Variants in TTC7A observed in about 807,000 individuals in gnomAD.
TTC7A encodes the protein tetratricopeptide repeat domain 7A.
A neutral mutation model predicts 103.7 loss-of-function variants in TTC7A; 110 were observed. The observed-to-expected ratio is 1.06, with a 90% confidence interval of 0.91 to 1.24. TTC7A has a LOEUF of 1.24. TTC7A is among the 50% of genes most tolerant of loss of function. The pLI, the probability that TTC7A is intolerant of heterozygous loss-of-function variation, is 0.00. For missense variants in TTC7A, 1,340 were observed against 1,116.3 expected, an observed-to-expected ratio of 1.20 and a Z score of -2.86; for synonymous variants, 521 against 467.9, an observed-to-expected ratio of 1.11 and a Z score of -1.47.
At chr2:47,024,422 C>G in intron 14 of TTC7A, 63 bp downstream of exon 14, 1 of 1,441,198 alleles carries the variant, frequency 6.9e-7, no homozygotes, top group Non-Finnish European at 9.4e-7. Flanking sequence ...CCTGGAAACC[C>G]AGCTTACCAG....
intron 18 of TTC7A, among the ~76,000 whole-genome samples, chr2:47,057,255 T>C (rs1184096577): frequency 6.6e-6 from 1 of 152,240 alleles, no homozygotes; most frequent in Non-Finnish European, 1.5e-5. Flanking sequence ...TCTGCCAGGC[T>C]GCCAGAAGCC....
upstream of TTC7A, among the ~76,000 whole-genome samples, chr2:46,939,383 G>C (rs954093122): frequency 1.3e-5 from 2 of 152,152 alleles, no homozygotes; most frequent in African/African-American, 4.8e-5. Flanking sequence ...CAGAGGGCTG[G>C]GGTTTTGTCC....
chr2:47,051,259 ATTTC>A (rs1257456530), intron 17 of TTC7A, among the ~76,000 whole-genome samples: 4 of 152,142 alleles, frequency 2.6e-5, no homozygotes, highest in Non-Finnish European at 5.9e-5. Flanking sequence ...CCATGCCCAT[ATTTC>A]TTTTTTATAA....
At chr2:47,036,972 T>TG (rs1348997922) in intron 15 of TTC7A, among the ~76,000 whole-genome samples, 2 of 152,194 alleles carry the variant, frequency 1.3e-5, no homozygotes, top group Admixed American at 1.3e-4. Flanking sequence ...CACACTTGAA[T>TG]GGGGGTGAGG....
chr2:47,036,602 G>A (rs1404293435), intron 15 of TTC7A, among the ~76,000 whole-genome samples: 1 of 152,144 alleles, frequency 6.6e-6, no homozygotes, highest in African/African-American at 2.4e-5. Flanking sequence ...TCTAGGCTGG[G>A]CACAGTGGCT....
chr2:47,039,051 G>T (rs973829938), intron 15 of TTC7A, among the ~76,000 whole-genome samples: 2 of 152,144 alleles, frequency 1.3e-5, no homozygotes, highest in Non-Finnish European at 2.9e-5. Flanking sequence ...CCAGGCACAG[G>T]CTCTCTTCCC....
chr2:47,021,782 G>T (rs532873753), intron 11 of TTC7A, 80 bp from the exon 12 acceptor site: 5 of 1,104,086 alleles, frequency 4.5e-6, no homozygotes, highest in Non-Finnish European at 6.9e-6. Context: ...CTTCTGTTTC[G>T]GGAACAGGTC....
At chr2:47,036,769 G>C (rs1388355421) in intron 15 of TTC7A, among the ~76,000 whole-genome samples, 1 of 152,194 alleles carries the variant, frequency 6.6e-6, no homozygotes, top group Non-Finnish European at 1.5e-5. Context: ...GGGGTGAGAG[G>C]ATTGGTTGAG....
In TTC7A at chr2:47,073,756, G is replaced by T. The variant is rs1469698010; in HGVS notation, c.2410G>T (p.Asp804Tyr). 6.2e-7 allele frequency: 1 copy of T among 1,613,846 alleles called. No homozygotes were observed. Among genetic ancestry groups the T allele is most frequent in the Non-Finnish European group, 8.5e-7 (1 of 1,180,024 alleles). The change falls in exon 20 of 20, where the codon GAT (aspartate) becomes TAT (tyrosine). Residue 804 changes from aspartate (D) to tyrosine (Y), a missense_variant. Coordinates refer to ENST00000319190, the MANE Select transcript of TTC7A (RefSeq NM_020458.4). ...HKSLAQKVLR[D>Y]AVERQSTCHE... Reference sequence around the variant, plus strand: ...GAGCTTGGCCCAGAAGGTGCTTCGTGATGCCGTGGAGAGGCAGAGTACGTG... The same window carrying T: ...GAGCTTGGCCCAGAAGGTGCTTCGTTATGCCGTGGAGAGGCAGAGTACGTG...
At chr2:46,940,562 GAAAT>G (rs1239695112), upstream of TTC7A, among the ~76,000 whole-genome samples, 2 of 152,256 alleles carry the variant, frequency 1.3e-5, no homozygotes, top group Admixed American at 6.5e-5. The surrounding 1 kb of genome is among the most constrained non-coding windows in gnomAD (Gnocchi z 4.7). Context: ...CCAGCATGAA[GAAAT>G]AAATAAATAC....
intron 19 of TTC7A, among the ~76,000 whole-genome samples, chr2:47,072,694 C>T (rs76848229): frequency 0.13 from 19,690 of 152,172 alleles, 2,196 homozygotes; most frequent in East Asian, 0.56. Context: ...CTTTACCTCC[C>T]GTCTTGGAAC....
At chr2:46,922,655 G>C (rs115733769) in intron 2 of TTC7A, among the ~76,000 whole-genome samples, 1,790 of 152,078 alleles carry the variant, frequency 0.012, 40 homozygotes, top group African/African-American at 0.041. Context: ...AGGTGTGAGA[G>C]GTAGAAACCA....
At chr2:47,059,254 C>G (rs1683577955) in intron 18 of TTC7A, among the ~76,000 whole-genome samples, 1 of 151,772 alleles carries the variant, frequency 6.6e-6, no homozygotes, top group Non-Finnish European at 1.5e-5. Context: ...AACTCCTGAC[C>G]TCGTGATCTA....
intron 3 of TTC7A, among the ~76,000 whole-genome samples, chr2:46,961,073 C>G (rs1015629212): frequency 6.6e-6 from 1 of 152,204 alleles, no homozygotes; most frequent in South Asian, 2.1e-4. Context: ...CCTCTCCTAC[C>G]CTATTCCCCA....
exon 1 of TTC7A, chr2:46,916,273 G>T: frequency 1.4e-6 from 1 of 694,806 alleles, no homozygotes; most frequent in Non-Finnish European, 1.8e-6. Context: ...GCTGGAGCCG[G>T]CCTTGGACCC....
intron 19 of TTC7A, among the ~76,000 whole-genome samples, chr2:47,065,357 A>G (rs1684099829): frequency 6.6e-6 from 1 of 152,264 alleles, no homozygotes; most frequent in African/African-American, 2.4e-5. Flanking sequence ...CATACAATTT[A>G]AAAGAAGCAA....
chr2:47,048,817 G>C (rs1488159827), intron 16 of TTC7A, among the ~76,000 whole-genome samples: 1 of 152,070 alleles, frequency 6.6e-6, no homozygotes, highest in Non-Finnish European at 1.5e-5. Flanking sequence ...TATCCAAGCT[G>C]TTGTTGAACT....
At chr2:47,054,611 C>T (rs578254548) in intron 18 of TTC7A, among the ~76,000 whole-genome samples, 5 of 152,080 alleles carry the variant, frequency 3.3e-5, no homozygotes, top group Admixed American at 6.5e-5. Context: ...GGCAGGCAGA[C>T]GACTTGAGCC....
intron 9 of TTC7A, 81 bp from the exon 10 acceptor site, chr2:47,006,560 C>T (rs1395943510): frequency 7.9e-6 from 10 of 1,267,420 alleles, no homozygotes; most frequent in Non-Finnish European, 1.2e-5. Flanking sequence ...GTGACTTGGG[C>T]AGTAACTACC....
Sources: allele counts gnomAD v4.1 joint callset (sites outside exome capture counted in the v4.1 genomes callset), GRCh38; gene constraint gnomAD v4.1.1; non-coding constraint Gnocchi (gnomAD v3.1); transcripts MANE v1.5; gene names NCBI Gene and HGNC (gene_info 2026-07-23, HGNC 2026-07-21).